Variants in ITPR2 observed in about 807,000 individuals in gnomAD.
ITPR2 encodes inositol 1,4,5-trisphosphate-gated calcium channel ITPR2.
Under a neutral mutation model 317.1 loss-of-function variants are expected in ITPR2, and 207 were observed. The observed-to-expected ratio is 0.65, with a 90% CI of 0.58 to 0.73. The LOEUF is 0.73. Ranked by LOEUF, ITPR2 falls within the 30% of genes least tolerant of loss-of-function variation. The pLI is 0.00. For synonymous variants in ITPR2, 1,156 were observed against 1,149.1 expected, an observed-to-expected ratio of 1.01 and a Z score of -0.12; for missense variants, 2,613 against 3,284.0, an observed-to-expected ratio of 0.80 and a Z score of 4.99.
intron 55 of ITPR2, among the ~76,000 whole-genome samples, chr12:26,387,192 A>G (rs1267819706): frequency 6.6e-6 from 1 of 152,190 alleles, no homozygotes; most frequent in African/African-American, 2.4e-5. Flanking sequence ...GTCATTGCAA[A>G]GAGAATCCAG....
intron 37 of ITPR2, among the ~76,000 whole-genome samples, chr12:26,524,546 A>C (rs1943757384): frequency 6.6e-6 from 1 of 152,248 alleles, no homozygotes; most frequent in African/African-American, 2.4e-5. Flanking sequence ...TAAAATTGAT[A>C]ATGAAATACA....
At chr12:26,500,013 T>C (rs868082735) in intron 37 of ITPR2, among the ~76,000 whole-genome samples, 4 of 152,216 alleles carry the variant, frequency 2.6e-5, no homozygotes, top group Admixed American at 1.3e-4. Flanking sequence ...AGAACAAGAT[T>C]CTGTTATGTC....
chr12:26,788,322 C>G (rs1378374790), intron 2 of ITPR2, among the ~76,000 whole-genome samples: 1 of 152,196 alleles, frequency 6.6e-6, no homozygotes, highest in African/African-American at 2.4e-5. Context: ...TTATTAGCCA[C>G]TTCTACTCCC....
chr12:26,631,946 G>A lies in ITPR2; in HGVS notation c.2854C>T (p.Pro952Ser), dbSNP rs373812900. The change falls in exon 22 of 57, where the codon CCG (proline) becomes TCG (serine). Residue 952 changes from proline to serine, a missense_variant. By Grantham distance (74) the Pro-to-Ser change is moderately conservative (BLOSUM62 -1). Transcript: ENST00000381340. The part of the protein sequence containing the change: ...SVPDVPPSIH[P>S]SKQGSPTEHE... ...TCGGTGGGGCTCCCTTGCTTGCTCG[G>A]GTGGATGCTGGGTGGCACATCCGGC... 229 of 1,613,668 alleles carry A rather than the reference G, an allele frequency of 1.4e-4. No individual in the cohort carries two copies. The highest frequency in any genetic ancestry group is 1.8e-4 in the Non-Finnish European group (216 of 1,179,898).
Position 26,686,461 on chromosome 12 carries a change from T to G in ITPR2, c.1148+20A>C, listed in dbSNP as rs201228958. 6.1e-5 allele frequency: 93 copies of G among 1,532,970 alleles called. 2 individuals are homozygous for G. The highest frequency in any genetic ancestry group is 1.1e-5 in the Non-Finnish European group (12 of 1,136,318). The allele number at this position is 1,532,970 out of a possible 1,614,324, so 95.0% of individuals were successfully genotyped here. On this transcript the variant is annotated intron_variant, in intron 11 of 56. Transcript: ENST00000381340. The stretch of plus-strand genomic sequence containing the variant: ...GTATAATTATTCAAAGAAACATCTT[T>G]TAACCATAATTTTTTTTACCTTGGA...
chr12:26,521,419 G>A (rs74969596), intron 37 of ITPR2, among the ~76,000 whole-genome samples: 2,945 of 152,152 alleles, frequency 0.019, 54 homozygotes, highest in African/African-American at 0.046. Context: ...TTAAGAATGC[G>A]TTTCTAGAAA....
intron 34 of ITPR2, among the ~76,000 whole-genome samples, chr12:26,571,523 T>C (rs559558088): frequency 2.4e-4 from 37 of 152,354 alleles, no homozygotes; most frequent in African/African-American, 8.7e-4. Context: ...TAGCTTAAAT[T>C]ACCACCTTGA....
At chr12:26,735,093 T>C (rs1322614002) in intron 2 of ITPR2, among the ~76,000 whole-genome samples, 3 of 143,432 alleles carry the variant, frequency 2.1e-5, no homozygotes, top group Non-Finnish European at 4.5e-5. Context: ...CTCCGCCTCC[T>C]GGGTTCAAAC....
intron 9 of ITPR2, among the ~76,000 whole-genome samples, chr12:26,709,580 A>G (rs1393618209): frequency 1.3e-5 from 2 of 152,242 alleles, no homozygotes; most frequent in East Asian, 3.8e-4. Context: ...CAAATGGTAC[A>G]TGTTTTAATT....
intron 2 of ITPR2, among the ~76,000 whole-genome samples, chr12:26,762,147 T>C (rs1949646154): frequency 6.6e-6 from 1 of 151,916 alleles, no homozygotes; most frequent in Admixed American, 6.6e-5. Flanking sequence ...CCAGAAGGAA[T>C]AGAGAAAGAA....
chr12:26,480,795 G>A (rs934325217), intron 43 of ITPR2, among the ~76,000 whole-genome samples: 5 of 152,096 alleles, frequency 3.3e-5, no homozygotes, highest in African/African-American at 9.7e-5. Flanking sequence ...AGCCGAGATC[G>A]TGCCACTGCA....
intron 8 of ITPR2, 61 bp from the exon 9 acceptor site, chr12:26,711,329 C>T (rs1332821564): frequency 3.5e-6 from 4 of 1,142,598 alleles, no homozygotes; most frequent in Non-Finnish European, 5.3e-6. Context: ...CAAGCAAACA[C>T]CAACAGTTTA....
At chr12:26,383,263 C>A (rs1939563163) in intron 55 of ITPR2, among the ~76,000 whole-genome samples, 1 of 152,148 alleles carries the variant, frequency 6.6e-6, no homozygotes, top group African/African-American at 2.4e-5. Flanking sequence ...GTACAGCCTG[C>A]AGAACTGTGA....
At chr12:26,784,325 C>CCTCTG (rs1950160301) in intron 2 of ITPR2, among the ~76,000 whole-genome samples, 9 of 18,198 alleles carry the variant, frequency 4.9e-4, no homozygotes, top group Admixed American at 2.2e-3. Flanking sequence ...CTCTGCCTCT[C>CCTCTG]CCTCTCCCTC....
intron 1 of ITPR2, among the ~76,000 whole-genome samples, chr12:26,798,723 C>T (rs1228497894): frequency 2.6e-5 from 4 of 152,182 alleles, no homozygotes; most frequent in Non-Finnish European, 5.9e-5. Flanking sequence ...GAAGTTTCTA[C>T]AAATGTCCAG....
intron 55 of ITPR2, among the ~76,000 whole-genome samples, chr12:26,342,377 A>T (rs1938146204): frequency 1.3e-5 from 2 of 151,840 alleles, no homozygotes; most frequent in Admixed American, 1.3e-4. Flanking sequence ...AATTTTACAA[A>T]TGAAGAAAGT....
intron 21 of ITPR2, among the ~76,000 whole-genome samples, chr12:26,650,681 C>G (rs1947229356): frequency 6.6e-6 from 1 of 152,172 alleles, no homozygotes; most frequent in African/African-American, 2.4e-5. Flanking sequence ...GATCAAAAGT[C>G]AGGATCAACT....
At chr12:26,828,136 A>G (rs1951036066) in intron 1 of ITPR2, among the ~76,000 whole-genome samples, 1 of 152,246 alleles carries the variant, frequency 6.6e-6, no homozygotes, top group Non-Finnish European at 1.5e-5. Context: ...ACAAGGCCAT[A>G]TGGCTAATTA....
intron 1 of ITPR2, among the ~76,000 whole-genome samples, chr12:26,812,542 G>A (rs2137270455): frequency 6.6e-6 from 1 of 152,186 alleles, no homozygotes; most frequent in Non-Finnish European, 1.5e-5. Flanking sequence ...TTGCACCACT[G>A]CACTCCAGCC....
Sources: allele counts gnomAD v4.1 joint callset (sites outside exome capture counted in the v4.1 genomes callset), GRCh38; gene constraint gnomAD v4.1.1; transcripts MANE v1.5; gene names NCBI Gene and HGNC (gene_info 2026-07-23, HGNC 2026-07-21).